ZC3H11A: variants seen among roughly 807,000 people sequenced by gnomAD.
ZC3H11A encodes zinc finger CCCH domain-containing protein 11A.
A neutral mutation model predicts 90.8 loss-of-function variants in ZC3H11A; 22 were observed. The observed-to-expected ratio is 0.24, with a 90% CI of 0.17 to 0.35. The LOEUF is 0.35. Among genes scored for constraint, ZC3H11A ranks in the 10% least tolerant of loss-of-function variants. The pLI is 1.00. For synonymous variants in ZC3H11A, 294 were observed against 339.8 expected, an observed-to-expected ratio of 0.87 and a Z score of 1.48; for missense variants, 701 against 964.9, an observed-to-expected ratio of 0.73 and a Z score of 3.62.
chr1:203,842,732 C>A (rs1209003125), intron 12 of ZC3H11A, among the ~76,000 whole-genome samples: 1 of 149,762 alleles, frequency 6.7e-6, no homozygotes, highest in African/African-American at 2.5e-5. Context: ...TAAACATATA[C>A]CTTTAAAAAA....
At chr1:203,799,006 A>T in intron 1 of ZC3H11A, 1 of 1,536,146 alleles carries the variant, frequency 6.5e-7, no homozygotes, top group Non-Finnish European at 8.7e-7. Context: ...TCCACTGACT[A>T]TTTTATTGTG....
At chr1:203,844,478 A>T (rs1381525791) in intron 12 of ZC3H11A, among the ~76,000 whole-genome samples, 1 of 152,142 alleles carries the variant, frequency 6.6e-6, no homozygotes, top group Non-Finnish European at 1.5e-5. Context: ...CTGCTCTGGG[A>T]TTTCTAATTC....
intron 12 of ZC3H11A, among the ~76,000 whole-genome samples, chr1:203,843,634 A>G: frequency 6.6e-6 from 1 of 152,222 alleles, no homozygotes. Context: ...CAATATGTAA[A>G]TGAATGACTG....
chr1:203,823,670 T>C (rs1679521202), intron 4 of ZC3H11A, among the ~76,000 whole-genome samples: 1 of 152,246 alleles, frequency 6.6e-6, no homozygotes, highest in African/African-American at 2.4e-5. Flanking sequence ...CTAACTCTTT[T>C]CTGCACTGAG....
chr1:203,816,899 T>G (rs1676567078), intron 2 of ZC3H11A, 27 bp from the exon 3 acceptor site: 5 of 520,472 alleles, frequency 9.6e-6, no homozygotes, highest in South Asian at 3.4e-5. Context: ...ACCTGAAATA[T>G]TTTAATTCAT....
At chr1:203,834,046 A>G (rs896001797) in intron 10 of ZC3H11A, 193 bp downstream of exon 10, 2 of 1,252,136 alleles carry the variant, frequency 1.6e-6, no homozygotes, top group East Asian at 3.2e-5. Flanking sequence ...AAGTGTTACA[A>G]TTGAACTAGA....
rs763365697 is a variant in ZC3H11A at position 203,850,677 on chromosome 1, C to A, written c.2102C>A (p.Ala701Asp). The A allele has an allele frequency of 2.3e-5, 37 of 1,613,680 alleles. No homozygotes were observed. In the South Asian group the frequency reaches 4.0e-4, roughly 17 times the overall value. The change falls in exon 16 of 18, where the codon GCT (alanine) becomes GAT (aspartate). Residue 701 changes from alanine (A) to aspartate (D), a missense_variant. By Grantham distance (126) the Ala-to-Asp change is moderately radical. Coordinates refer to ENST00000367210, the MANE Select transcript of ZC3H11A (RefSeq NM_001376342.1). Reference sequence around the variant, plus strand: ...CAGGAACCCCCAGCCAAAAAGGCAGCTGTGGTAAGAAGTATATTCACTTTG... The same window carrying A: ...CAGGAACCCCCAGCCAAAAAGGCAGATGTGGTAAGAAGTATATTCACTTTG... ...VLQEPPAKKA[A>D]VAVVPLVSED...
At chr1:203,818,744 A>C (rs1572068986) in intron 4 of ZC3H11A, 55 bp downstream of exon 4, 1 of 1,610,920 alleles carries the variant, frequency 6.2e-7, no homozygotes, top group East Asian at 2.2e-5. Flanking sequence ...TGGTGGGCCA[A>C]TAAAAAATAT....
In ZC3H11A at chr1:203,847,621, A is replaced by G. The variant is rs1688228761; in HGVS notation, c.1480A>G (p.Ser494Gly). The change falls in exon 13 of 18, where the codon AGC becomes GGC. Residue 494 changes from serine to glycine, a missense_variant. Physicochemically the swap from Ser to Gly is moderately conservative, Grantham distance 56 (BLOSUM62 0). Around this residue, in one of 4 missense-constraint regions of ZC3H11A, gnomAD observed 530 missense variants for 696.2 expected, o/e 0.76. Transcript: ENST00000367210. ...GCAGCAGAGCTCTGAGAGCAGCACC[A>G]GCTCCCCGTCTCAACACGAGGCCAC... is the stretch of plus-strand genomic sequence containing the variant. ...RVQQSSESSTSSPSQHEATPG... is the reference protein window; with the variant it reads ...RVQQSSESSTGSPSQHEATPG... 3 of 1,613,454 alleles carry G rather than the reference A, an allele frequency of 1.9e-6. No homozygotes were observed. Among genetic ancestry groups the G allele is most frequent in the Non-Finnish European group, 2.5e-6 (3 of 1,179,998 alleles).
intron 11 of ZC3H11A, among the ~76,000 whole-genome samples, chr1:203,839,882 C>T (rs1685540140): frequency 6.6e-6 from 1 of 152,148 alleles, no homozygotes; most frequent in African/African-American, 2.4e-5. Context: ...CAGCTCACCC[C>T]AACCTCCACC....
intron 2 of ZC3H11A, chr1:203,806,307 C>G: frequency 8.5e-6 from 2 of 234,344 alleles, no homozygotes; most frequent in Non-Finnish European, 8.5e-6. Context: ...TTTTCTTTTT[C>G]CTTTTTTTTT....
intron 12 of ZC3H11A, among the ~76,000 whole-genome samples, chr1:203,840,754 C>T (rs1363419752): frequency 6.6e-6 from 1 of 152,022 alleles, no homozygotes; most frequent in Non-Finnish European, 1.5e-5. Context: ...CTGCCTCAGC[C>T]TACCGAGTAG....
chr1:203,847,346 G>C lies in ZC3H11A; in HGVS notation c.1205G>C (p.Arg402Pro). The C allele has an allele frequency of 1.2e-6, 2 of 1,613,792 alleles. No homozygotes were observed. The highest frequency in any genetic ancestry group is 8.5e-7 in the Non-Finnish European group (1 of 1,179,856). Residue 402 changes from arginine (R) to proline (P), a missense_variant, in exon 13 of 18, where the codon CGT (arginine) becomes CCT (proline). Coordinates refer to ENST00000367210, the MANE Select transcript of ZC3H11A (RefSeq NM_001376342.1). The part of the protein sequence containing the change: ...TSGARSSSTI[R>P]IKTFSEVLAE... ...GGAGCAAGAAGCTCCTCCACTATCC[G>C]TATCAAAACCTTCTCTGAGGTCCTG...
intron 17 of ZC3H11A, 113 bp from the exon 18 acceptor site, chr1:203,852,028 T>C: frequency 9.7e-7 from 1 of 1,035,450 alleles, no homozygotes; most frequent in Non-Finnish European, 1.4e-6. Context: ...GAATTATTTC[T>C]TTATGTATGT....
chr1:203,818,002 C>T (rs1676939989), intron 3 of ZC3H11A, among the ~76,000 whole-genome samples: 1 of 152,062 alleles, frequency 6.6e-6, no homozygotes, highest in African/African-American at 2.4e-5. Flanking sequence ...CCGCCTCGGC[C>T]TCCCAAAGTG....
At chr1:203,809,736 T>C (rs993481634) in intron 2 of ZC3H11A, among the ~76,000 whole-genome samples, 2 of 152,020 alleles carry the variant, frequency 1.3e-5, no homozygotes, top group African/African-American at 2.4e-5. Flanking sequence ...GGCAGATCAC[T>C]TGAGGTCAGG....
intron 2 of ZC3H11A, among the ~76,000 whole-genome samples, chr1:203,803,659 G>A (rs948433496): frequency 1.3e-5 from 2 of 152,220 alleles, no homozygotes; most frequent in African/African-American, 4.8e-5. Context: ...AGGCTGGAGT[G>A]CAGTGGCATG....
intron 3 of ZC3H11A, among the ~76,000 whole-genome samples, chr1:203,817,713 A>G (rs1407395369): frequency 6.6e-6 from 1 of 151,882 alleles, no homozygotes; most frequent in Non-Finnish European, 1.5e-5. Context: ...CTATAAACGT[A>G]TATGTTAAAA....
intron 2 of ZC3H11A, among the ~76,000 whole-genome samples, chr1:203,804,415 G>T (rs1006019569): frequency 3.9e-5 from 6 of 151,922 alleles, no homozygotes; most frequent in African/African-American, 7.3e-5. Context: ...GCCTCCCAAA[G>T]TGCTAGGATT....
Sources: gnomAD v4.1 joint callset for allele counts (sites outside exome capture counted in the v4.1 genomes callset) on GRCh38, gnomAD v4.1.1 for gene constraint, gnomAD v4.1.1 regional missense constraint, MANE v1.5 for transcripts, NCBI Gene and HGNC (gene_info 2026-07-23, HGNC 2026-07-21) for gene names.